The following SNX18 variants were observed in gnomAD, a reference collection of about 807,000 sequenced individuals.
SNX18 encodes the protein sorting nexin-18.
A neutral mutation model predicts 48.7 loss-of-function variants in SNX18; 35 were observed. The ratio of observed to expected loss-of-function variants is 0.72; its 90% CI spans 0.55 to 0.95. The LOEUF (loss-of-function observed/expected upper bound fraction) is 0.95. Ranked by LOEUF, SNX18 falls within the 40% of genes least tolerant of loss-of-function variation. SNX18 has a pLI of 0.00. For missense variants in SNX18, 824 were observed against 871.0 expected, an observed-to-expected ratio of 0.95 and a Z score of 0.68; for synonymous variants, 492 against 384.7, an observed-to-expected ratio of 1.28 and a Z score of -3.26.
At chr5:54,626,002 A>G in the SNX18 span, among the ~76,000 whole-genome samples, 1 of 152,214 alleles carries the variant, frequency 6.6e-6, no homozygotes, top group African/African-American at 2.4e-5. Flanking sequence ...CGTTGTTTGA[A>G]CAACTTGATC....
the SNX18 span, among the ~76,000 whole-genome samples, chr5:54,578,404 A>G: frequency 1.3e-5 from 2 of 152,122 alleles, no homozygotes; most frequent in African/African-American, 4.8e-5. Flanking sequence ...CCCGTCCCCA[A>G]CACACCTGCC....
the SNX18 span, among the ~76,000 whole-genome samples, chr5:54,614,161 C>G: frequency 6.6e-6 from 1 of 152,188 alleles, no homozygotes; most frequent in Non-Finnish European, 1.5e-5. Context: ...GGAAAGCAGT[C>G]CTGCCAGCCC....
chr5:54,611,795 G>A, the SNX18 span, among the ~76,000 whole-genome samples: 1 of 152,146 alleles, frequency 6.6e-6, no homozygotes, highest in South Asian at 2.1e-4. Context: ...CTGGTTTGAG[G>A]GGGGATGTTT....
At chr5:54,559,374 A>G in the SNX18 span, among the ~76,000 whole-genome samples, 703 of 152,320 alleles carry the variant, frequency 4.6e-3, 7 homozygotes, top group African/African-American at 0.015. Context: ...ACAAAAACAA[A>G]TATATAGACC....
At chr5:54,534,311 T>C (rs1762310121) in intron 1 of SNX18, among the ~76,000 whole-genome samples, 1 of 151,930 alleles carries the variant, frequency 6.6e-6, no homozygotes, top group Non-Finnish European at 1.5e-5. Context: ...TTTGTATAAT[T>C]AGTCTTAGAA....
chr5:54,586,956 G>A, the SNX18 span, among the ~76,000 whole-genome samples: 1 of 151,364 alleles, frequency 6.6e-6, no homozygotes, highest in Non-Finnish European at 1.5e-5. Context: ...AAAGAGGTGA[G>A]CACTCTGTAA....
the SNX18 span, among the ~76,000 whole-genome samples, chr5:54,630,829 CAAAAAAAAAAAA>C: frequency 1.2e-4 from 11 of 94,510 alleles, no homozygotes; most frequent in East Asian, 2.0e-3. Context: ...AAGACTCAGT[CAAAAAAAAAAAA>C]AAAAAAAAAG....
intron 1 of SNX18, among the ~76,000 whole-genome samples, chr5:54,534,913 A>T (rs916195431): frequency 3.3e-5 from 5 of 152,172 alleles, no homozygotes; most frequent in Non-Finnish European, 5.9e-5. Flanking sequence ...AAAAATTGGC[A>T]TTGAAATCCT....
At chr5:54,590,644 C>A in the SNX18 span, among the ~76,000 whole-genome samples, 1 of 152,116 alleles carries the variant, frequency 6.6e-6, no homozygotes, top group African/African-American at 2.4e-5. Context: ...TCCAAAAATG[C>A]AAACCTATTT....
In SNX18 at chr5:54,518,438, C is replaced by T; in HGVS notation, c.486C>T (p.Ser162=). The T allele has an allele frequency of 6.3e-7, 1 of 1,577,674 alleles. No homozygotes were observed. Among genetic ancestry groups the T allele is most frequent in the Non-Finnish European group, 8.6e-7 (1 of 1,162,692 alleles). ...GGGACGACGAGTGGGACGACAGCTCCACGGTGGCGGACGAGCCGGGCGCTC... is the reference window on the plus strand; with the variant it reads ...GGGACGACGAGTGGGACGACAGCTCTACGGTGGCGGACGAGCCGGGCGCTC... The part of the protein sequence containing the change: ...DDWDDEWDDS[S]TVADEPGALG... Residue 162 remains serine, a synonymous_variant, in exon 1 of 2, where the codon TCC becomes TCT. Coordinates refer to ENST00000381410, the MANE Select transcript of SNX18 (RefSeq NM_001102575.2).
At chr5:54,550,435 C>T (rs2111638465), downstream of SNX18, among the ~76,000 whole-genome samples, 1 of 151,140 alleles carries the variant, frequency 6.6e-6, no homozygotes, top group South Asian at 2.1e-4. Context: ...AGGTATCTAT[C>T]ATTTTTAAAA....
chr5:54,564,068 G>A, the SNX18 span, among the ~76,000 whole-genome samples: 260 of 152,082 alleles, frequency 1.7e-3, 1 homozygote, highest in Admixed American at 2.3e-3. Flanking sequence ...ATCACCTGAC[G>A]TCAGGAGTTC....
the SNX18 span, among the ~76,000 whole-genome samples, chr5:54,617,768 C>T: frequency 1.3e-5 from 2 of 151,986 alleles, no homozygotes; most frequent in African/African-American, 4.8e-5. Flanking sequence ...CGCTATGTTG[C>T]CCAGCCTGGT....
Position 54,538,561 on chromosome 5 carries a change from A to G in SNX18, c.1622-4618A>G, listed in dbSNP as rs148764673. Reference sequence around the variant, plus strand: ...GTTTGTTAAAAGGTGTACAGAAAAAACTAATTGGAAAGTTGTGAGATGAAT... The same window carrying G: ...GTTTGTTAAAAGGTGTACAGAAAAAGCTAATTGGAAAGTTGTGAGATGAAT... On this transcript the variant is annotated intron_variant, in intron 1 of 1. Coordinates refer to ENST00000381410, the MANE Select transcript of SNX18 (RefSeq NM_001102575.2). 1.5e-3 allele frequency among the ~76,000 whole-genome samples: 231 copies of G among 152,286 alleles called. 2 individuals are homozygous for G. The highest frequency in any genetic ancestry group is 5.3e-3 in the African/African-American group (219 of 41,570).
At chr5:54,549,434 A>G (rs1762620745), downstream of SNX18, among the ~76,000 whole-genome samples, 1 of 152,108 alleles carries the variant, frequency 6.6e-6, no homozygotes, top group African/African-American at 2.4e-5. Context: ...TGTCTTGCAG[A>G]GCCCTGGCAC....
the SNX18 span, among the ~76,000 whole-genome samples, chr5:54,633,065 C>T: frequency 6.6e-6 from 1 of 152,044 alleles, no homozygotes; most frequent in Admixed American, 6.6e-5. Context: ...GCCACTGCGC[C>T]CGGCCCAGGG....
At chr5:54,598,057 T>C in the SNX18 span, among the ~76,000 whole-genome samples, 54 of 152,134 alleles carry the variant, frequency 3.5e-4, no homozygotes, top group East Asian at 0.01. Flanking sequence ...GATAGAGGTA[T>C]CAGCACGGAT....
At chr5:54,566,256 ATCCTGACCG>A in the SNX18 span, among the ~76,000 whole-genome samples, 3 of 152,224 alleles carry the variant, frequency 2.0e-5, no homozygotes, top group Non-Finnish European at 4.4e-5. Context: ...CTGAGTTCAA[ATCCTGACCG>A]TCAGTTACTA....
the SNX18 span, among the ~76,000 whole-genome samples, chr5:54,580,857 A>G: frequency 3.9e-5 from 6 of 152,356 alleles, no homozygotes; most frequent in East Asian, 7.7e-4. Flanking sequence ...GTTACATGTC[A>G]TAGTAGTAGA....
Sources: allele counts gnomAD v4.1 joint callset (sites outside exome capture counted in the v4.1 genomes callset), GRCh38; gene constraint gnomAD v4.1.1; transcripts MANE v1.5; gene names NCBI Gene and HGNC (gene_info 2026-07-23, HGNC 2026-07-21).